The following CAMKMT variants were observed in gnomAD, a reference collection of about 807,000 sequenced individuals.
The protein encoded by CAMKMT is CaM KMT.
In CAMKMT, 53 loss-of-function variants were observed where a neutral mutation model predicts 48.0. The ratio of observed to expected loss-of-function variants is 1.10; its 90% CI spans 0.89 to 1.39. CAMKMT has a LOEUF of 1.39. Ranked by LOEUF, CAMKMT falls within the 40% of genes most tolerant of loss-of-function variation. CAMKMT has a pLI of 0.00. For missense variants in CAMKMT, 428 were observed against 402.7 expected (o/e 1.06, Z -0.54); for synonymous variants, 165 against 152.3 (o/e 1.08, Z -0.61).
chr2:44,501,652 G>A (rs1670012649), intron 3 of CAMKMT, among the ~76,000 whole-genome samples: 1 of 152,140 alleles, frequency 6.6e-6, no homozygotes, highest in Non-Finnish European at 1.5e-5. Context: ...CGGACAAATT[G>A]AAACACTGGG....
intron 3 of CAMKMT, among the ~76,000 whole-genome samples, chr2:44,510,915 A>T (rs992783981): frequency 1.3e-5 from 2 of 151,666 alleles, no homozygotes; most frequent in African/African-American, 4.9e-5. Flanking sequence ...ATCTTGGCTC[A>T]CTGCATGCTC....
intron 3 of CAMKMT, among the ~76,000 whole-genome samples, chr2:44,522,238 C>A (rs1427220487): frequency 1.3e-5 from 2 of 152,018 alleles, no homozygotes; most frequent in East Asian, 1.9e-4. Context: ...ATCTCCTGAC[C>A]TCGTGATATG....
chr2:44,462,436 T>A (rs1319143202), intron 3 of CAMKMT, among the ~76,000 whole-genome samples: 3 of 151,994 alleles, frequency 2.0e-5, no homozygotes, highest in African/African-American at 4.8e-5. Flanking sequence ...AACTTGGAAA[T>A]TTTTTTTCAT....
chr2:44,723,174 G>A (rs565739452), intron 7 of CAMKMT, among the ~76,000 whole-genome samples: 43 of 152,210 alleles, frequency 2.8e-4, no homozygotes, highest in African/African-American at 1.0e-3. Context: ...GGCAGGCCTG[G>A]GGTTTTGCAT....
At chr2:44,373,021 C>A in intron 2 of CAMKMT, 133 bp downstream of exon 2, 1 of 836,096 alleles carries the variant, frequency 1.2e-6, no homozygotes, top group Non-Finnish European at 1.8e-6. Flanking sequence ...GGTTTTACAA[C>A]TTGTTTTAGG....
intron 3 of CAMKMT, among the ~76,000 whole-genome samples, chr2:44,437,854 A>C (rs186219106): frequency 7.8e-4 from 119 of 151,894 alleles, no homozygotes; most frequent in African/African-American, 2.8e-3. Context: ...AAAAAAAAAA[A>C]AAATGATCAA....
At position 44,431,543 on chromosome 2, in the gene CAMKMT, A is replaced by G. The variant is rs538631263; in HGVS notation, c.376+41238A>G. Among the ~76,000 whole-genome samples the G allele has an allele frequency of 9.2e-5, 14 of 152,228 alleles. No individual in the cohort carries two copies. The South Asian group carries it at 2.7e-3, about 29-fold the overall frequency. On this transcript the variant is annotated intron_variant, in intron 3 of 10. Transcript: ENST00000378494. ...CATCAGTGACATTTTCATTAGTGCA[A>G]TAGACTTTCTAAATCTTGCTGTGTC...
chr2:44,703,771 T>TAAAAAAA (rs547342457), intron 3 of CAMKMT, among the ~76,000 whole-genome samples: 1 of 84,092 alleles, frequency 1.2e-5, no homozygotes, highest in African/African-American at 4.5e-5. Context: ...AGCAAGACTC[T>TAAAAAAA]AAAAAAAAAA....
chr2:44,538,689 T>C (rs950857597), intron 3 of CAMKMT, among the ~76,000 whole-genome samples: 2 of 152,096 alleles, frequency 1.3e-5, no homozygotes, highest in African/African-American at 4.8e-5. Context: ...GCTAGGGTGA[T>C]GGGTGTGCTA....
At chr2:44,583,976 C>G (rs1669711803) in intron 3 of CAMKMT, among the ~76,000 whole-genome samples, 1 of 151,796 alleles carries the variant, frequency 6.6e-6, no homozygotes, top group Admixed American at 6.6e-5. Flanking sequence ...GTATACATAC[C>G]CACACATCCC....
In CAMKMT at chr2:44,653,882, A is replaced by T. The variant is rs1280819566; in HGVS notation, c.377-50401A>T. Among the ~76,000 whole-genome samples the T allele has an allele frequency of 6.6e-6, 1 of 152,236 alleles. No individual in the cohort carries two copies. Among genetic ancestry groups the T allele is most frequent in the Admixed American group, 6.5e-5 (1 of 15,280 alleles). ...ATTTGTTGAGTGAAAGAATGAAACC[A>T]AAACTGTCACATTTTAGCCTAAAGA... On this transcript the variant is annotated intron_variant, in intron 3 of 10. Transcript: ENST00000378494. The surrounding 1 kb of genome is among the most constrained non-coding windows in gnomAD (Gnocchi z 5.2).
chr2:44,549,488 C>T, intron 3 of CAMKMT: 1 of 689,848 alleles, frequency 1.4e-6, no homozygotes, highest in South Asian at 1.6e-5. Flanking sequence ...ATGTCTTGAA[C>T]TGAAAACCAC....
At chr2:44,382,681 G>C (rs1680372921) in intron 2 of CAMKMT, among the ~76,000 whole-genome samples, 1 of 151,734 alleles carries the variant, frequency 6.6e-6, no homozygotes, top group African/African-American at 2.4e-5. Flanking sequence ...GGGTTTCACT[G>C]TGTTAGCCTG....
At chr2:44,753,259 A>C (rs1263621315) in intron 8 of CAMKMT, among the ~76,000 whole-genome samples, 2 of 105,938 alleles carry the variant, frequency 1.9e-5, no homozygotes, top group Non-Finnish European at 4.4e-5. Context: ...CAAAAAAAAA[A>C]AAAAAAAAAA....
At chr2:44,434,322 C>T (rs1450466413) in intron 3 of CAMKMT, among the ~76,000 whole-genome samples, 2 of 151,850 alleles carry the variant, frequency 1.3e-5, no homozygotes, top group African/African-American at 4.8e-5. Context: ...GAAGTGCATC[C>T]GTCTGTTGAC....
chr2:44,630,026 T>C (rs1572954305), intron 3 of CAMKMT, among the ~76,000 whole-genome samples: 1 of 151,446 alleles, frequency 6.6e-6, no homozygotes, highest in Non-Finnish European at 1.5e-5. Flanking sequence ...CAAAACAGCA[T>C]GGTACTGGTA....
chr2:44,454,393 A>G (rs1324524403), intron 3 of CAMKMT, among the ~76,000 whole-genome samples: 3 of 152,242 alleles, frequency 2.0e-5, no homozygotes, highest in South Asian at 4.1e-4. Flanking sequence ...CCAATATCCA[A>G]TAATGTTTCT....
At chr2:44,531,848 T>C (rs1460081446) in intron 3 of CAMKMT, among the ~76,000 whole-genome samples, 1 of 152,188 alleles carries the variant, frequency 6.6e-6, no homozygotes, top group East Asian at 1.9e-4. Context: ...AAAAAGAACA[T>C]AATTTTTGCA....
In CAMKMT at chr2:44,716,718, G is replaced by A. The variant is rs374989450; in HGVS notation, c.623+1365G>A. ...GCCTTACCCTTCTGGAGAGGACTTCGTTTTTGGACATGATTTTCAACCTGG... is the reference window on the plus strand; with the variant it reads ...GCCTTACCCTTCTGGAGAGGACTTCATTTTTGGACATGATTTTCAACCTGG... On this transcript the variant is annotated intron_variant, in intron 7 of 10. Transcript: ENST00000378494. 5.3e-5 allele frequency among the ~76,000 whole-genome samples: 8 copies of A among 152,246 alleles called. 1 individual carries two copies. In the South Asian group the frequency reaches 1.7e-3, roughly 32 times the overall value.
Sources: allele counts gnomAD v4.1 joint callset (sites outside exome capture counted in the v4.1 genomes callset), GRCh38; gene constraint gnomAD v4.1.1; non-coding constraint Gnocchi (gnomAD v3.1); transcripts MANE v1.5; gene names NCBI Gene and HGNC (gene_info 2026-07-23, HGNC 2026-07-21).